ADCY7: variants seen among roughly 807,000 people sequenced by gnomAD.
ADCY7 encodes adenylate cyclase type 7.
A neutral mutation model predicts 120.6 loss-of-function variants in ADCY7; 72 were observed. The observed-to-expected ratio is 0.60, with a 90% confidence interval of 0.49 to 0.73. The LOEUF is 0.73. ADCY7 is among the 30% of genes least tolerant of loss of function. The probability of loss-of-function intolerance (pLI) is 0.00; values close to 1 mark genes in which losing one functional copy is unlikely to be tolerated. For missense variants in ADCY7, 1,227 were observed against 1,486.0 expected (o/e 0.83, Z 2.87); for synonymous variants, 661 against 628.0 (o/e 1.05, Z -0.78).
chr16:50,295,526 C>T (rs965224015), intron 7 of ADCY7, among the ~76,000 whole-genome samples: 6 of 151,776 alleles, frequency 4.0e-5, no homozygotes, highest in African/African-American at 7.3e-5. Flanking sequence ...GAAAAAATAT[C>T]TGAGGAGGAA....
upstream of ADCY7, among the ~76,000 whole-genome samples, chr16:50,262,002 T>C (rs1040387165): frequency 2.6e-5 from 4 of 152,196 alleles, no homozygotes; most frequent in Non-Finnish European, 4.4e-5. Flanking sequence ...GCTGGGGCTT[T>C]CCTTCCCCCA....
At position 50,292,395 on chromosome 16, in the gene ADCY7, G is replaced by A. The variant is rs11640409; in HGVS notation, c.538-281G>A. Among the ~76,000 whole-genome samples the A allele has an allele frequency of 7.7e-3, 1,176 of 152,374 alleles. 9 individuals are homozygous for A. The highest frequency in any genetic ancestry group is 0.014 in the Non-Finnish European group (945 of 68,038). Reference sequence around the variant, plus strand: ...CAGCCAGCTGGGCGCTGTGCCCTCTGGGACTGCCCTTAGCACGCATGCCCC... The same window carrying A: ...CAGCCAGCTGGGCGCTGTGCCCTCTAGGACTGCCCTTAGCACGCATGCCCC... On this transcript the variant is annotated intron_variant, in intron 4 of 25. Transcript: ENST00000673801.
chr16:50,315,277 T>G (rs1327637535), intron 25 of ADCY7, 82 bp from the exon 26 acceptor site: 2 of 1,565,254 alleles, frequency 1.3e-6, no homozygotes, highest in Non-Finnish European at 1.7e-6. Flanking sequence ...GCAGACTGCA[T>G]GCCTGGGCAG....
intron 16 of ADCY7, 124 bp downstream of exon 16, chr16:50,308,535 C>G: frequency 6.4e-7 from 1 of 1,556,368 alleles, no homozygotes; most frequent in South Asian, 1.2e-5. Context: ...GTGCCCATCT[C>G]TCCTGCCTCG....
chr16:50,305,980 C>T, intron 14 of ADCY7, 131 bp downstream of exon 14: 5 of 869,278 alleles, frequency 5.8e-6, no homozygotes, highest in Non-Finnish European at 7.4e-6. Flanking sequence ...GAATCCACAG[C>T]TGCTCCTGGG....
At chr16:50,291,658 C>A in intron 3 of ADCY7, 78 bp from the exon 4 acceptor site, 1 of 1,572,492 alleles carries the variant, frequency 6.4e-7, no homozygotes. Context: ...GGGTGGGCTG[C>A]TGTGGTGCAG....
chr16:50,254,418 C>T (rs2032851300), intron 1 of ADCY7, among the ~76,000 whole-genome samples: 1 of 152,142 alleles, frequency 6.6e-6, no homozygotes, highest in Non-Finnish European at 1.5e-5. Context: ...ACTGTTAGAA[C>T]TAATAAACTA....
chr16:50,314,829 G>C, intron 24 of ADCY7, 185 bp from the exon 25 acceptor site: 1 of 666,308 alleles, frequency 1.5e-6, no homozygotes, highest in Non-Finnish European at 2.5e-6. Flanking sequence ...AGAGCTGGCC[G>C]GGGAATGCCC....
chr16:50,308,851 A>T, intron 17 of ADCY7, 59 bp downstream of exon 17: 1 of 1,541,714 alleles, frequency 6.5e-7, no homozygotes, highest in Non-Finnish European at 8.7e-7. Flanking sequence ...CAGATTTGGG[A>T]CGCCTACAAT....
chr16:50,289,199 T>TTTTG (rs750011208), intron 2 of ADCY7: 2 of 312,834 alleles, frequency 6.4e-6, no homozygotes, highest in Non-Finnish European at 1.3e-5. Flanking sequence ...TTTGTTTTTT[T>TTTTG]TTTGTTTGTT....
intron 7 of ADCY7, among the ~76,000 whole-genome samples, chr16:50,295,345 A>ATTTT (rs67137852): frequency 0.14 from 11,626 of 81,606 alleles, 1,887 homozygotes; most frequent in Non-Finnish European, 0.17. Context: ...CGCCTGGCTA[A>ATTTT]TTTTTTTTTT....
intron 21 of ADCY7, 115 bp from the exon 22 acceptor site, chr16:50,312,775 C>G: frequency 1.1e-6 from 1 of 906,322 alleles, no homozygotes; most frequent in Non-Finnish European, 1.6e-6. Flanking sequence ...CCCCTCCCCA[C>G]TCCCCGAAAG....
intron 1 of ADCY7, among the ~76,000 whole-genome samples, chr16:50,248,231 C>T (rs992799766): frequency 1.3e-5 from 2 of 152,228 alleles, no homozygotes; most frequent in African/African-American, 4.8e-5. Flanking sequence ...CCCCGCCCAC[C>T]TCTCCCTCTT....
chr16:50,314,452 C>A (rs757954805), intron 24 of ADCY7, 46 bp downstream of exon 24: 2 of 1,408,442 alleles, frequency 1.4e-6, no homozygotes, highest in East Asian at 2.3e-5. Context: ...TGCCTCTAGG[C>A]CAGTCCACCC....
chr16:50,262,660 A>G (rs2033091311), upstream of ADCY7, among the ~76,000 whole-genome samples: 2 of 152,186 alleles, frequency 1.3e-5, no homozygotes, highest in South Asian at 2.1e-4. Context: ...CATGCCTTTG[A>G]TGGGCACCTC....
chr16:50,310,835 G>A lies in ADCY7; in HGVS notation c.2309G>A (p.Cys770Tyr). 1 of 1,613,218 alleles carries A rather than the reference G, an allele frequency of 6.2e-7. No homozygotes were observed. The highest frequency in any genetic ancestry group is 8.5e-7 in the Non-Finnish European group (1 of 1,179,718). ...NLSPCWQWDC[C>Y]GQGLGNLTKP... ...TCCCCATGCTGGCAGTGGGACTGCT[G>A]CGGCCAAGGCCTGGGCAACCTCACC... is the stretch of plus-strand genomic sequence containing the variant. Residue 770 changes from cysteine to tyrosine, a missense_variant, in exon 19 of 26, where the codon TGC becomes TAC. By Grantham distance (194) the Cys-to-Tyr change is radical (BLOSUM62 -2). Coordinates refer to ENST00000673801, the MANE Select transcript of ADCY7 (RefSeq NM_001114.5).
chr16:50,253,099 C>A (rs190938907), intron 1 of ADCY7, among the ~76,000 whole-genome samples: 17 of 152,240 alleles, frequency 1.1e-4, no homozygotes, highest in Non-Finnish European at 2.4e-4. Context: ...AGGAGGTGCC[C>A]TGCACGATTT....
chr16:50,252,445 A>G, intron 1 of ADCY7, among the ~76,000 whole-genome samples: 1 of 148,510 alleles, frequency 6.7e-6, no homozygotes, highest in East Asian at 2.0e-4. Context: ...CTGGGTAGGC[A>G]TTGTTTGTGT....
intron 12 of ADCY7, among the ~76,000 whole-genome samples, chr16:50,305,167 T>C (rs9937781): frequency 0.027 from 4,052 of 152,246 alleles, 180 homozygotes; most frequent in African/African-American, 0.093. Flanking sequence ...GAGCACCTGT[T>C]GTATGGTGCC....
Sources: allele counts gnomAD v4.1 joint callset (sites outside exome capture counted in the v4.1 genomes callset), GRCh38; gene constraint gnomAD v4.1.1; transcripts MANE v1.5; gene names NCBI Gene and HGNC (gene_info 2026-07-23, HGNC 2026-07-21).